SKAP2: variants seen among roughly 807,000 people sequenced by gnomAD.
SKAP2 encodes src kinase associated phosphoprotein 2.
SKAP2 carries 28 observed loss-of-function variants against 54.9 expected under a neutral mutation model. The observed-to-expected ratio is 0.51, with a 90% CI of 0.38 to 0.70. SKAP2 has a LOEUF of 0.70. Among genes scored for constraint, SKAP2 ranks in the 30% least tolerant of loss-of-function variants. The pLI is 0.00. For synonymous variants in SKAP2, 137 were observed against 134.3 expected (o/e 1.02, Z -0.14); for missense variants, 356 against 424.1 (o/e 0.84, Z 1.41).
At chr7:26,851,869 G>A (rs1785051914) in intron 3 of SKAP2, among the ~76,000 whole-genome samples, 1 of 151,890 alleles carries the variant, frequency 6.6e-6, no homozygotes. Context: ...ATTAATAACC[G>A]ACTTATTAGA....
At chr7:26,735,588 G>A (rs530421521) in intron 6 of SKAP2, among the ~76,000 whole-genome samples, 1 of 152,246 alleles carries the variant, frequency 6.6e-6, no homozygotes, top group Admixed American at 6.5e-5. Context: ...CAGTAACAAA[G>A]CACAGTTTAA....
intron 4 of SKAP2, among the ~76,000 whole-genome samples, chr7:26,839,065 G>A (rs1434241635): frequency 3.3e-5 from 5 of 151,854 alleles, no homozygotes; most frequent in South Asian, 2.1e-4. Context: ...GCAGTCTTTC[G>A]TATCTAGTCC....
At chr7:26,729,891 G>A (rs1448601426) in intron 6 of SKAP2, among the ~76,000 whole-genome samples, 6 of 152,142 alleles carry the variant, frequency 3.9e-5, no homozygotes, top group Admixed American at 3.3e-4. Context: ...AAAATGTGCT[G>A]TTGTTTAACC....
At chr7:26,851,344 T>A (rs909658884) in intron 3 of SKAP2, among the ~76,000 whole-genome samples, 1 of 151,212 alleles carries the variant, frequency 6.6e-6, no homozygotes. Context: ...CTCCAGAGGC[T>A]GAGGTGGAAG....
At position 26,698,280 on chromosome 7, in the gene SKAP2, A is replaced by G. The variant is rs200779004; in HGVS notation, c.797-7918T>C. Reference sequence around the variant, plus strand: ...AGAAAGAACCATCACCATTAGACTTACTGGCTCCACATCCCTTATACCAGC... The same window carrying G: ...AGAAAGAACCATCACCATTAGACTTGCTGGCTCCACATCCCTTATACCAGC... On this transcript the variant is annotated intron_variant, in intron 9 of 12. Coordinates refer to ENST00000345317, the MANE Select transcript of SKAP2 (RefSeq NM_003930.5). 1.4e-4 allele frequency among the ~76,000 whole-genome samples: 21 copies of G among 152,336 alleles called. No individual in the cohort carries two copies. In the East Asian group the frequency reaches 3.9e-3, roughly 28 times the overall value.
chr7:26,694,114 T>C (rs1233702147), intron 9 of SKAP2, among the ~76,000 whole-genome samples: 1 of 152,210 alleles, frequency 6.6e-6, no homozygotes, highest in African/African-American at 2.4e-5. Context: ...CATATTTTTT[T>C]ATTTAGGTTT....
downstream of SKAP2, among the ~76,000 whole-genome samples, chr7:26,666,159 C>T (rs914159764): frequency 6.6e-6 from 1 of 152,006 alleles, no homozygotes; most frequent in Non-Finnish European, 1.5e-5. Context: ...CAAAAGTGAT[C>T]TCTATATGGT....
chr7:26,756,433 T>A (rs1211749672), intron 4 of SKAP2, among the ~76,000 whole-genome samples: 1 of 152,168 alleles, frequency 6.6e-6, no homozygotes, highest in African/African-American at 2.4e-5. Flanking sequence ...TGGTGTTTGG[T>A]TTTTTGTCCT....
intron 4 of SKAP2, among the ~76,000 whole-genome samples, chr7:26,753,689 C>T (rs1782732010): frequency 6.6e-6 from 1 of 152,122 alleles, no homozygotes; most frequent in Non-Finnish European, 1.5e-5. Context: ...AGCCAGTTGC[C>T]TGCATGTGTT....
At chr7:26,816,797 G>A (rs1234759457) in intron 4 of SKAP2, among the ~76,000 whole-genome samples, 1 of 152,048 alleles carries the variant, frequency 6.6e-6, no homozygotes, top group African/African-American at 2.4e-5. Context: ...AATTCACAAG[G>A]ATTCTAGAAA....
intron 1 of SKAP2, among the ~76,000 whole-genome samples, chr7:26,861,876 ATTATT>A (rs1315870373): frequency 6.6e-6 from 1 of 151,938 alleles, no homozygotes; most frequent in East Asian, 1.9e-4. Flanking sequence ...TCTAAGCAAC[ATTATT>A]TTAACAGTCA....
At chr7:26,791,323 C>G (rs929518863) in intron 4 of SKAP2, among the ~76,000 whole-genome samples, 1 of 151,936 alleles carries the variant, frequency 6.6e-6, no homozygotes, top group Non-Finnish European at 1.5e-5. Context: ...GGTGTGATCA[C>G]GGCTCACTGC....
Position 26,783,687 on chromosome 7 carries a change from C to T in SKAP2, c.308-43723G>A, listed in dbSNP as rs554440657. On this transcript the variant is annotated intron_variant, in intron 4 of 12. Transcript: ENST00000345317. ...AACTGTTAGCATCTCTTCCCACCTC[C>T]ACAGTGACATCATGTTGGTTGCTAA... Among the ~76,000 whole-genome samples the T allele has an allele frequency of 4.6e-5, 7 of 152,212 alleles. No homozygotes were observed. In the South Asian group the frequency reaches 1.4e-3, roughly 32 times the overall value.
intron 4 of SKAP2, among the ~76,000 whole-genome samples, chr7:26,798,057 TAAAG>T (rs982501605): frequency 1.3e-4 from 19 of 151,968 alleles, no homozygotes; most frequent in Middle Eastern, 6.8e-3. Context: ...TTCCAACTCC[TAAAG>T]AAAGATATCA....
intron 4 of SKAP2, among the ~76,000 whole-genome samples, chr7:26,814,229 A>G (rs1784218607): frequency 6.6e-6 from 1 of 152,164 alleles, no homozygotes; most frequent in Non-Finnish European, 1.5e-5. Context: ...AATTTGATAT[A>G]ATTGTTGTAA....
chr7:26,689,666 C>A (rs2127939742), intron 10 of SKAP2, among the ~76,000 whole-genome samples: 1 of 152,272 alleles, frequency 6.6e-6, no homozygotes, highest in African/African-American at 2.4e-5. Flanking sequence ...CTGTGTTAAT[C>A]ATATGCAATG....
chr7:26,832,592 T>C (rs560082435), intron 4 of SKAP2, among the ~76,000 whole-genome samples: 84 of 152,070 alleles, frequency 5.5e-4, no homozygotes, highest in African/African-American at 2.0e-3. Context: ...GGCAGGAGGA[T>C]CACTTGAGCC....
At chr7:26,796,463 T>C (rs986946101) in intron 4 of SKAP2, among the ~76,000 whole-genome samples, 1 of 152,212 alleles carries the variant, frequency 6.6e-6, no homozygotes, top group Non-Finnish European at 1.5e-5. Context: ...ACTGAAAACC[T>C]TGAATAACAC....
chr7:26,721,976 T>C (rs1306250414), intron 9 of SKAP2, among the ~76,000 whole-genome samples: 1 of 152,236 alleles, frequency 6.6e-6, no homozygotes, highest in Non-Finnish European at 1.5e-5. Flanking sequence ...CTCATTACCA[T>C]GTTAAACAGT....
Sources: gnomAD v4.1 joint callset for allele counts (sites outside exome capture counted in the v4.1 genomes callset) on GRCh38, gnomAD v4.1.1 for gene constraint, MANE v1.5 for transcripts, NCBI Gene and HGNC (gene_info 2026-07-23, HGNC 2026-07-21) for gene names.